CRK: variants seen among roughly 807,000 people sequenced by gnomAD.
CRK encodes adapter molecule crk.
In CRK, 4 loss-of-function variants were observed where a neutral mutation model predicts 29.8. The ratio of observed to expected loss-of-function variants is 0.13; its 90% CI spans 0.07 to 0.31. The LOEUF (loss-of-function observed/expected upper bound fraction) is 0.31. CRK is among the 10% of genes least tolerant of loss of function. CRK has a pLI of 1.00. For synonymous variants in CRK, 153 were observed against 164.9 expected (o/e 0.93, Z 0.55); for missense variants, 274 against 396.5 (o/e 0.69, Z 2.62).
intron 2 of CRK, among the ~76,000 whole-genome samples, chr17:1,430,542 T>C (rs1220689822): frequency 6.8e-6 from 1 of 148,118 alleles, no homozygotes; most frequent in Admixed American, 6.7e-5. Context: ...ATTTTTTTTT[T>C]TTTTAGTAGA....
intron 1 of CRK, among the ~76,000 whole-genome samples, chr17:1,450,712 C>T (rs1050606818): frequency 2.1e-4 from 32 of 151,796 alleles, no homozygotes; most frequent in African/African-American, 7.5e-4. Flanking sequence ...GGCAAAACCC[C>T]GTCTGTACTA....
chr17:1,425,534 A>C (rs1173016141), intron 2 of CRK, among the ~76,000 whole-genome samples: 1 of 152,168 alleles, frequency 6.6e-6, no homozygotes. Flanking sequence ...AGCTGAGACT[A>C]CAGGTGCACG....
chr17:1,422,718 G>A lies in CRK; in HGVS notation c.*795C>T, dbSNP rs2073739805. 3 of 381,796 alleles carry A rather than the reference G, an allele frequency of 7.9e-6. No individual in the cohort carries two copies. The highest frequency in any genetic ancestry group is 7.5e-5 in the East Asian group (2 of 26,630). 23.7% of individuals were successfully genotyped at this position (381,796 alleles called of 1,614,324 possible). The stretch of plus-strand genomic sequence containing the variant: ...GGACTCTAGTTAGCTGCTGTAGAAG[G>A]GTGACCTACTACGACCCTTTTGGGG... On this transcript the variant is annotated 3_prime_UTR_variant, in exon 3 of 3. Coordinates refer to ENST00000300574, the MANE Select transcript of CRK (RefSeq NM_016823.4).
chr17:1,443,690 C>T (rs886754045), intron 1 of CRK, among the ~76,000 whole-genome samples: 9 of 151,352 alleles, frequency 5.9e-5, no homozygotes, highest in South Asian at 2.1e-4. Context: ...TGAGCCACCG[C>T]GCCCAGCCCC....
In CRK at chr17:1,423,550, A is replaced by G. The variant is rs1421174730; in HGVS notation, c.878T>C (p.Leu293Pro). Residue 293 changes from leucine to proline, a missense_variant, in exon 3 of 3, where the codon CTG (leucine) becomes CCG (proline). Leu to Pro is a moderately conservative substitution (Grantham distance 98). Around this residue, in one of 3 missense-constraint regions of CRK, gnomAD observed 121 missense variants for 154.3 expected, o/e 0.78. Coordinates refer to ENST00000300574, the MANE Select transcript of CRK (RefSeq NM_016823.4). Reference sequence around the variant, plus strand: ...CTCATCGGGATTCTGTTGATCCAGCAGACGGACATGTGTGAATGGGAAGTG... The same window carrying G: ...CTCATCGGGATTCTGTTGATCCAGCGGACGGACATGTGTGAATGGGAAGTG... ...RGHFPFTHVR[L>P]LDQQNPDEDF... 2 of 1,614,004 alleles carry G rather than the reference A, an allele frequency of 1.2e-6. No individual in the cohort carries two copies. The highest frequency in any genetic ancestry group is 4.5e-5 in the East Asian group (2 of 44,904).
chr17:1,435,465 AG>A (rs1305238530), intron 2 of CRK, among the ~76,000 whole-genome samples: 2 of 63,662 alleles, frequency 3.1e-5, no homozygotes, highest in African/African-American at 2.2e-4. Flanking sequence ...AAAAGCAGAG[AG>A]GAAAAAAAAA....
At chr17:1,427,687 T>C (rs569495527) in intron 2 of CRK, among the ~76,000 whole-genome samples, 15 of 152,078 alleles carry the variant, frequency 9.9e-5, no homozygotes, top group Admixed American at 3.3e-4. Context: ...TGGAGTGCAG[T>C]GACGCTATCT....
In CRK at chr17:1,431,113, T is replaced by G. The variant is rs547820434; in HGVS notation, c.777+5507A>C. Among the ~76,000 whole-genome samples the G allele has an allele frequency of 2.0e-5, 3 of 151,480 alleles. No homozygotes were observed. In the East Asian group the frequency reaches 5.8e-4, roughly 29 times the overall value. ...AAACAAATTAACCCTTTGTGCTTTT[T>G]GGGGCCTTTCTCCTGAAACGTTTAG... On this transcript the variant is annotated intron_variant, in intron 2 of 2. Coordinates refer to ENST00000300574, the MANE Select transcript of CRK (RefSeq NM_016823.4).
intron 1 of CRK, among the ~76,000 whole-genome samples, chr17:1,453,139 A>C (rs975930071): frequency 6.6e-6 from 1 of 152,142 alleles, no homozygotes; most frequent in African/African-American, 2.4e-5. Context: ...AATCGTAGAA[A>C]ATGGGGTACA....
Position 1,431,450 on chromosome 17 carries a change from G to A in CRK, c.777+5170C>T, listed in dbSNP as rs532699802. Among the ~76,000 whole-genome samples the A allele has an allele frequency of 4.1e-4, 63 of 152,126 alleles. 1 individual carries two copies. The highest frequency in any genetic ancestry group is 7.1e-4 in the Non-Finnish European group (48 of 67,994). Reference sequence around the variant, plus strand: ...AAGGTGAGGGGTATCATACCGGGGCGGTGGCTCACGCCTGTAATCTCAGCA... The same window carrying A: ...AAGGTGAGGGGTATCATACCGGGGCAGTGGCTCACGCCTGTAATCTCAGCA... On this transcript the variant is annotated intron_variant, in intron 2 of 2. Coordinates refer to ENST00000300574, the MANE Select transcript of CRK (RefSeq NM_016823.4).
intron 2 of CRK, among the ~76,000 whole-genome samples, chr17:1,431,570 GA>G (rs544189554): frequency 6.8e-5 from 10 of 146,138 alleles, no homozygotes; most frequent in East Asian, 6.0e-4. Flanking sequence ...AAATACAAAA[GA>G]AAAAAAAAAG....
intron 2 of CRK, among the ~76,000 whole-genome samples, chr17:1,430,233 G>T (rs1458725415): frequency 1.3e-5 from 2 of 151,458 alleles, no homozygotes; most frequent in African/African-American, 4.9e-5. Flanking sequence ...TCATAGAAAT[G>T]GAGTTTCAAA....
intron 1 of CRK, among the ~76,000 whole-genome samples, chr17:1,448,598 G>C (rs2073993050): frequency 7.5e-6 from 1 of 133,580 alleles, no homozygotes; most frequent in Admixed American, 8.5e-5. Flanking sequence ...ACTCCAGCCT[G>C]GGTGAGAGCA....
intron 1 of CRK, among the ~76,000 whole-genome samples, chr17:1,439,172 T>C (rs1047867865): frequency 6.6e-6 from 1 of 151,896 alleles, no homozygotes; most frequent in Admixed American, 6.6e-5. Flanking sequence ...CTCGACTCAG[T>C]GCAAGCTTCG....
At chr17:1,434,158 G>A (rs1198700253) in intron 2 of CRK, among the ~76,000 whole-genome samples, 2 of 152,120 alleles carry the variant, frequency 1.3e-5, no homozygotes, top group African/African-American at 2.4e-5. Context: ...CCTGATCTAA[G>A]TAACAGGTAG....
chr17:1,450,400 A>G (rs11652967), intron 1 of CRK, among the ~76,000 whole-genome samples: 83,545 of 151,506 alleles, frequency 0.55, 23,627 homozygotes, highest in South Asian at 0.64. Flanking sequence ...CCAGCTGCTC[A>G]GGAGGCTGAG....
chr17:1,443,700 C>G (rs1169705585), intron 1 of CRK, among the ~76,000 whole-genome samples: 1 of 144,308 alleles, frequency 6.9e-6, no homozygotes, highest in African/African-American at 2.6e-5. Flanking sequence ...CGCCCAGCCC[C>G]ACTTTTTTTT....
At position 1,445,477 on chromosome 17, in the gene CRK, T is replaced by C. The variant is rs191205364; in HGVS notation, c.242-8322A>G. Among the ~76,000 whole-genome samples, 4 of 152,300 alleles carry C rather than the reference T, an allele frequency of 2.6e-5. No homozygotes were observed. The East Asian group carries it at 7.7e-4, about 29-fold the overall frequency. ...CTCCTCATGCACCAATAGAAGATGA[T>C]CGCAAAAGTTCCGAGGGCAGGACTG... On this transcript the variant is annotated intron_variant, in intron 1 of 2. Coordinates refer to ENST00000300574, the MANE Select transcript of CRK (RefSeq NM_016823.4).
chr17:1,451,192 C>CAA (rs10691537), intron 1 of CRK, among the ~76,000 whole-genome samples: 1,954 of 66,942 alleles, frequency 0.029, 167 homozygotes, highest in African/African-American at 0.11. Flanking sequence ...GAAACTGTCT[C>CAA]AAAAAAAAAA....
Sources: gnomAD v4.1 joint callset for allele counts (sites outside exome capture counted in the v4.1 genomes callset) on GRCh38, gnomAD v4.1.1 for gene constraint, gnomAD v4.1.1 regional missense constraint, MANE v1.5 for transcripts, NCBI Gene and HGNC (gene_info 2026-07-23, HGNC 2026-07-21) for gene names.